The following RHBDL3 variants were observed in gnomAD, a reference collection of about 807,000 sequenced individuals.
RHBDL3 encodes the protein rhomboid like 3, also known as rhomboid-related protein 3.
A neutral mutation model predicts 48.2 loss-of-function variants in RHBDL3; 28 were observed. That is an observed-to-expected ratio of 0.58 (90% confidence interval 0.43 to 0.80). The LOEUF is 0.80. Among genes scored for constraint, RHBDL3 ranks in the 30% least tolerant of loss-of-function variants. The pLI, the probability that RHBDL3 is intolerant of heterozygous loss-of-function variation, is 0.00. For missense variants in RHBDL3, 464 were observed against 542.7 expected (o/e 0.85, Z 1.44); for synonymous variants, 208 against 232.3 (o/e 0.90, Z 0.95).
In RHBDL3 at chr17:32,298,180, G is replaced by T; in HGVS notation, c.757G>T (p.Val253Phe). The T allele has an allele frequency of 6.2e-7, 1 of 1,613,806 alleles. No homozygotes were observed. ...MVHGATRIGLVYVAGVVAGSL... is the reference protein window; with the variant it reads ...MVHGATRIGLFYVAGVVAGSL... ...GCATGGAGCCACCCGAATTGGGCTTGTCTACGTGGCCGGTGTTGTGGCAGG... is the reference window on the plus strand; with the variant it reads ...GCATGGAGCCACCCGAATTGGGCTTTTCTACGTGGCCGGTGTTGTGGCAGG... Residue 253 changes from valine (V) to phenylalanine (F), a missense_variant, in exon 6 of 9, where the codon GTC (valine) becomes TTC (phenylalanine). Physicochemically the swap from Val to Phe is conservative, Grantham distance 50. Coordinates refer to ENST00000269051, the MANE Select transcript of RHBDL3 (RefSeq NM_138328.3).
rs577256635 is a variant in RHBDL3, at chr17:32,284,599, C to T, written c.136-60C>T. On this transcript the variant is annotated intron_variant, in intron 2 of 8. Transcript: ENST00000269051. ...ATAGTGGTGGAGATCAGGGCACCCA[C>T]ATCAGTGTGAAGAGGAGGTGGTGCC... 185 of 1,549,422 alleles carry T rather than the reference C, an allele frequency of 1.2e-4. 2 individuals are homozygous for T. The South Asian group carries it at 2.0e-3, about 17-fold the overall frequency.
At chr17:32,311,402 T>C (rs2040845868) in intron 7 of RHBDL3, among the ~76,000 whole-genome samples, 2 of 152,194 alleles carry the variant, frequency 1.3e-5, no homozygotes, top group African/African-American at 4.8e-5. Context: ...CCTCGGCTGC[T>C]GGGAGGCAGG....
intron 2 of RHBDL3, among the ~76,000 whole-genome samples, chr17:32,271,689 G>A (rs62064178): frequency 0.12 from 17,595 of 152,180 alleles, 1,365 homozygotes; most frequent in Non-Finnish European, 0.16. Flanking sequence ...GCAGAGTTCC[G>A]TTAAGTCAAC....
At position 32,288,676 on chromosome 17, in the gene RHBDL3, G is replaced by C. The variant is rs1198164759; in HGVS notation, c.295-116G>C. 2.8e-5 allele frequency: 19 copies of C among 689,634 alleles called. No individual in the cohort carries two copies. In the South Asian group the frequency reaches 3.0e-4, roughly 11 times the overall value. 42.7% of individuals were successfully genotyped at this position (689,634 alleles called of 1,614,324 possible). Reference sequence around the variant, plus strand: ...ATGTTGCTTCTTATTAACAATTATAGGAGAAAGGGAAATGCGGGGTCAGGC... The same window carrying C: ...ATGTTGCTTCTTATTAACAATTATACGAGAAAGGGAAATGCGGGGTCAGGC... On this transcript the variant is annotated intron_variant, in intron 3 of 8. Transcript: ENST00000269051.
chr17:32,301,481 G>T (rs1242467583), intron 6 of RHBDL3, among the ~76,000 whole-genome samples: 1 of 151,056 alleles, frequency 6.6e-6, no homozygotes, highest in Non-Finnish European at 1.5e-5. Flanking sequence ...CATCCCCAGG[G>T]CCTAGCACAG....
In RHBDL3 at chr17:32,298,104, G is replaced by A. The variant is rs200550351; in HGVS notation, c.681G>A (p.Leu227=). ...YIFMHAGIEH[L]GLNVVLQLLV... ...CTCTCTGTCACAGGATAGAACACCT[G>A]GGACTCAATGTGGTGCTGCAGCTGC... is the stretch of plus-strand genomic sequence containing the variant. Residue 227 remains leucine, a synonymous_variant, in exon 6 of 9, where the codon CTG becomes CTA. Transcript: ENST00000269051. The A allele has an allele frequency of 6.4e-4, 1,030 of 1,612,672 alleles. 8 individuals are homozygous for A. The highest frequency in any genetic ancestry group is 5.4e-3 in the Middle Eastern group (33 of 6,060).
At chr17:32,297,175 A>G (rs1182279674) in intron 5 of RHBDL3, among the ~76,000 whole-genome samples, 1 of 151,426 alleles carries the variant, frequency 6.6e-6, no homozygotes, top group Non-Finnish European at 1.5e-5. Flanking sequence ...TTACAAATAG[A>G]GCCAGAACAT....
chr17:32,310,840 C>T (rs1466637211), intron 7 of RHBDL3, among the ~76,000 whole-genome samples: 1 of 145,520 alleles, frequency 6.9e-6, no homozygotes, highest in Non-Finnish European at 1.5e-5. Context: ...GCCGAGATCA[C>T]ACCACTGCAC....
At chr17:32,297,143 G>A (rs1448586499) in intron 5 of RHBDL3, among the ~76,000 whole-genome samples, 3 of 150,680 alleles carry the variant, frequency 2.0e-5, no homozygotes, top group Non-Finnish European at 4.4e-5. Flanking sequence ...GAGCCACCAC[G>A]CCTGGCTAAC....
intron 4 of RHBDL3, among the ~76,000 whole-genome samples, chr17:32,291,881 C>G (rs1342149216): frequency 6.6e-6 from 1 of 150,964 alleles, no homozygotes; most frequent in South Asian, 2.1e-4. Context: ...AAGCAATTCT[C>G]CTGCCTCAGC....
chr17:32,301,436 A>C (rs1435040712), intron 6 of RHBDL3, among the ~76,000 whole-genome samples: 1 of 150,960 alleles, frequency 6.6e-6, no homozygotes, highest in South Asian at 2.1e-4. Flanking sequence ...CACCAATCTT[A>C]TATTATAGAT....
At chr17:32,312,826 T>C (rs2040877010) in intron 7 of RHBDL3, among the ~76,000 whole-genome samples, 1 of 151,992 alleles carries the variant, frequency 6.6e-6, no homozygotes, top group African/African-American at 2.4e-5. Context: ...CCTGTTGTTT[T>C]TGAGAAAGGG....
At chr17:32,318,336 AAAAG>A (rs1382689320) in intron 8 of RHBDL3, among the ~76,000 whole-genome samples, 2 of 147,034 alleles carry the variant, frequency 1.4e-5, no homozygotes, top group African/African-American at 5.2e-5. Context: ...AAAAAAAAAA[AAAAG>A]AAAAGAAAAG....
intron 2 of RHBDL3, chr17:32,280,758 C>G (rs1363593831): frequency 6.6e-6 from 1 of 152,220 alleles, no homozygotes; most frequent in African/African-American, 2.4e-5. Flanking sequence ...GGGGTGCAGC[C>G]TCTGTTAGAA....
chr17:32,278,705 G>A (rs1391897170), intron 2 of RHBDL3, among the ~76,000 whole-genome samples: 1 of 152,138 alleles, frequency 6.6e-6, no homozygotes, highest in East Asian at 1.9e-4. Context: ...TGGTGCCTTG[G>A]TTTCCTCTCC....
chr17:32,279,851 C>T (rs1053313071), intron 2 of RHBDL3, among the ~76,000 whole-genome samples: 2 of 152,152 alleles, frequency 1.3e-5, no homozygotes, highest in Admixed American at 1.3e-4. Context: ...TCTCTTCCTC[C>T]CCTTGCCCCA....
Position 32,294,382 on chromosome 17 carries a change from A to G in RHBDL3, c.608A>G (p.Tyr203Cys). The G allele has an allele frequency of 6.2e-7, 1 of 1,614,130 alleles. No individual in the cohort carries two copies. The highest frequency in any genetic ancestry group is 8.5e-7 in the Non-Finnish European group (1 of 1,180,014). The change falls in exon 5 of 9, where the codon TAC (tyrosine) becomes TGC (cysteine). Residue 203 changes from tyrosine (Y) to cysteine (C), a missense_variant. Tyr to Cys is a radical substitution (Grantham distance 194). Coordinates refer to ENST00000269051, the MANE Select transcript of RHBDL3 (RefSeq NM_138328.3). ...CGTTACTTGAAGAACTCCCTGGTTT[A>G]CCACCCACAGCTGCGAGCACAGGTT... Reference protein sequence around the residue: ...HPRYLKNSLVYHPQLRAQVWR... With the variant: ...HPRYLKNSLVCHPQLRAQVWR...
intron 2 of RHBDL3, among the ~76,000 whole-genome samples, chr17:32,276,184 A>C (rs58336350): frequency 0.029 from 4,419 of 152,244 alleles, 220 homozygotes; most frequent in African/African-American, 0.1. Flanking sequence ...GGTCAGGGGA[A>C]GGGTATGAGG....
intron 1 of RHBDL3, 184 bp from the exon 2 acceptor site, chr17:32,267,718 T>C (rs1232409726): frequency 1.1e-5 from 13 of 1,194,760 alleles, no homozygotes; most frequent in African/African-American, 6.5e-5. Flanking sequence ...TGTGGACTCA[T>C]TGGGGAGCTC....
Sources: allele counts gnomAD v4.1 joint callset (sites outside exome capture counted in the v4.1 genomes callset), GRCh38; gene constraint gnomAD v4.1.1; transcripts MANE v1.5; gene names NCBI Gene and HGNC (gene_info 2026-07-23, HGNC 2026-07-21).